Variants in KDM2B observed in about 807,000 individuals in gnomAD.
The protein encoded by KDM2B is lysine-specific demethylase 2B.
Under a neutral mutation model 150.0 loss-of-function variants are expected in KDM2B, and 26 were observed. The ratio of observed to expected loss-of-function variants is 0.17; its 90% confidence interval spans 0.13 to 0.24. The LOEUF (loss-of-function observed/expected upper bound fraction) is 0.24, where lower values mean the gene tolerates loss of function less well. Among genes scored for constraint, KDM2B ranks in the 10% least tolerant of loss-of-function variants. The probability of loss-of-function intolerance (pLI) is 1.00; values close to 1 mark genes in which losing one functional copy is unlikely to be tolerated. For missense variants in KDM2B, 1,265 were observed against 1,816.9 expected (o/e 0.70, Z 5.52); for synonymous variants, 734 against 729.5 (o/e 1.01, Z -0.10).
At chr12:121,574,515 T>C (rs1555316546) in intron 4 of KDM2B, 32 bp downstream of exon 4, 1 of 1,610,348 alleles carries the variant, frequency 6.2e-7, no homozygotes, top group South Asian at 1.1e-5. Context: ...TACTTCAGCA[T>C]GTCTGAGCCA....
At chr12:121,524,308 G>A (rs1161051749) in intron 8 of KDM2B, among the ~76,000 whole-genome samples, 1 of 152,182 alleles carries the variant, frequency 6.6e-6, no homozygotes, top group African/African-American at 2.4e-5. Flanking sequence ...CTCTGGTAGA[G>A]GATGGTGCCC....
At chr12:121,478,094 G>T (rs905258426) in intron 12 of KDM2B, among the ~76,000 whole-genome samples, 4 of 151,544 alleles carry the variant, frequency 2.6e-5, no homozygotes, top group Non-Finnish European at 5.9e-5. Flanking sequence ...TGTTGCCCAG[G>T]ATGGTCAACA....
rs1875733742 is a variant in KDM2B, at chr12:121,444,287, A to T, written c.2191-15T>A. 2 of 1,613,318 alleles carry T rather than the reference A, an allele frequency of 1.2e-6. No homozygotes were observed. ...CCACGCTTTTGCTTGTAGGCCAAAA[A>T]GAGAGAATGAACAGACCAACTGTAT... On this transcript the variant is annotated splice_polypyrimidine_tract_variant and intron_variant, in intron 15 of 22. Coordinates refer to ENST00000377071, the MANE Select transcript of KDM2B (RefSeq NM_032590.5).
chr12:121,445,211 G>T (rs1875937611), intron 14 of KDM2B, 64 bp downstream of exon 14: 1 of 1,564,026 alleles, frequency 6.4e-7, no homozygotes, highest in Non-Finnish European at 8.7e-7. Flanking sequence ...CATCTCACCA[G>T]CATCTCCAGC....
chr12:121,461,499 T>C (rs1456084782), intron 12 of KDM2B, among the ~76,000 whole-genome samples: 1 of 151,938 alleles, frequency 6.6e-6, no homozygotes, highest in African/African-American at 2.4e-5. Flanking sequence ...ATGGAAGGAA[T>C]GAAGAGGAGG....
intron 22 of KDM2B, among the ~76,000 whole-genome samples, chr12:121,439,026 A>G (rs1555287467): frequency 1.3e-5 from 2 of 152,182 alleles, no homozygotes; most frequent in African/African-American, 4.8e-5. Flanking sequence ...TGCCGCCCCA[A>G]CGGCAAGTGC....
intron 12 of KDM2B, among the ~76,000 whole-genome samples, chr12:121,457,739 TACACACACACAC>T (rs138823282): frequency 2.0e-4 from 29 of 145,096 alleles, no homozygotes; most frequent in African/African-American, 4.3e-4. Context: ...ATCGGAAACA[TACACACACACAC>T]ACACACACAC....
intron 11 of KDM2B, among the ~76,000 whole-genome samples, chr12:121,508,581 C>T (rs1033552587): frequency 2.0e-5 from 3 of 152,200 alleles, no homozygotes; most frequent in Non-Finnish European, 2.9e-5. Context: ...GACACCCAGA[C>T]GCCTCGGAGG....
At chr12:121,579,693 T>TG in intron 1 of KDM2B, 1 of 1,009,420 alleles carries the variant, frequency 9.9e-7, no homozygotes, top group South Asian at 1.6e-5. Context: ...CGCATCCCCC[T>TG]GCCTCCTCCC....
chr12:121,548,701 AC>A (rs779942336), intron 6 of KDM2B, among the ~76,000 whole-genome samples, 175 bp downstream of exon 6: 2 of 152,098 alleles, frequency 1.3e-5, no homozygotes, highest in African/African-American at 2.4e-5. Context: ...CACGCGAAGG[AC>A]CCCGTCCCTC....
chr12:121,477,186 A>G (rs1195937496), intron 12 of KDM2B, among the ~76,000 whole-genome samples: 1 of 151,638 alleles, frequency 6.6e-6, no homozygotes, highest in Non-Finnish European at 1.5e-5. Context: ...CAATCCCCCC[A>G]TCTCATCCAA....
In KDM2B at chr12:121,443,996, C is replaced by T. The variant is rs984746393; in HGVS notation, c.2451+16G>A. ...CAGACCAACCCCTTTGCCTCCCAGC[C>T]CCTCCTGGTCCGTACCCGCTTGCGT... On this transcript the variant is annotated intron_variant, in intron 16 of 22. Coordinates refer to ENST00000377071, the MANE Select transcript of KDM2B (RefSeq NM_032590.5). The T allele has an allele frequency of 1.3e-6, 2 of 1,590,482 alleles. No homozygotes were observed. Among genetic ancestry groups the T allele is most frequent in the East Asian group, 2.2e-5 (1 of 44,618 alleles).
intron 10 of KDM2B, among the ~76,000 whole-genome samples, chr12:121,511,263 C>T (rs2140919102): frequency 6.6e-6 from 1 of 150,914 alleles, no homozygotes; most frequent in East Asian, 1.9e-4. Flanking sequence ...CCCGCCTCGG[C>T]CTCCCAAAAT....
At chr12:121,563,408 A>G (rs1440689848) in intron 4 of KDM2B, among the ~76,000 whole-genome samples, 1 of 151,770 alleles carries the variant, frequency 6.6e-6, no homozygotes, top group East Asian at 1.9e-4. Context: ...GGAGTTCGAG[A>G]CCAGCCTGGC....
At chr12:121,525,895 C>T (rs1435528960) in intron 8 of KDM2B, among the ~76,000 whole-genome samples, 1 of 152,302 alleles carries the variant, frequency 6.6e-6, no homozygotes, top group Non-Finnish European at 1.5e-5. Flanking sequence ...CTTCCCCAGG[C>T]ACTGCCATCC....
At chr12:121,512,601 C>G (rs1037341098) in intron 10 of KDM2B, among the ~76,000 whole-genome samples, 1 of 152,060 alleles carries the variant, frequency 6.6e-6, no homozygotes, top group Admixed American at 6.6e-5. Context: ...ACAGCTCAGA[C>G]GCAGCCGAGA....
chr12:121,539,433 G>T (rs1888428067), intron 6 of KDM2B, among the ~76,000 whole-genome samples: 1 of 150,666 alleles, frequency 6.6e-6, no homozygotes, highest in South Asian at 2.1e-4. Flanking sequence ...CCACATAAGA[G>T]AATTGTATTT....
intron 12 of KDM2B, among the ~76,000 whole-genome samples, chr12:121,458,295 G>T (rs1164820968): frequency 6.6e-6 from 1 of 152,234 alleles, no homozygotes; most frequent in South Asian, 2.1e-4. Context: ...AGAATCACTT[G>T]AGCACAGGAA....
intron 10 of KDM2B, among the ~76,000 whole-genome samples, chr12:121,511,565 C>T (rs1228269209): frequency 6.6e-6 from 1 of 152,172 alleles, no homozygotes; most frequent in African/African-American, 2.4e-5. Flanking sequence ...GGATTACAGG[C>T]GTGAGCCATC....
Sources: allele counts gnomAD v4.1 joint callset (sites outside exome capture counted in the v4.1 genomes callset), GRCh38; gene constraint gnomAD v4.1.1; transcripts MANE v1.5; gene names NCBI Gene and HGNC (gene_info 2026-07-23, HGNC 2026-07-21).